Variants in RBFOX1 observed in about 807,000 individuals in gnomAD.
RBFOX1 encodes RNA binding fox-1 homolog 1.
A neutral mutation model predicts 57.7 loss-of-function variants in RBFOX1; 8 were observed. That is an observed-to-expected ratio of 0.14 (90% CI 0.08 to 0.25). RBFOX1 has a LOEUF of 0.25. RBFOX1 is among the 10% of genes least tolerant of loss of function. The pLI is 1.00. For missense variants in RBFOX1, 611 were observed against 548.5 expected (o/e 1.11, Z -1.14); for synonymous variants, 326 against 222.4 (o/e 1.47, Z -4.15).
chr16:6,000,698 T>C (rs1034315632), intron 4 of RBFOX1, among the ~76,000 whole-genome samples: 1 of 151,542 alleles, frequency 6.6e-6, no homozygotes, highest in African/African-American at 2.4e-5. Flanking sequence ...GATGGGTGGA[T>C]GAGTGGGTTG....
chr16:7,105,201 T>C (rs570353853), intron 4 of RBFOX1, among the ~76,000 whole-genome samples: 2 of 152,076 alleles, frequency 1.3e-5, no homozygotes, highest in Admixed American at 1.3e-4. Flanking sequence ...GGCTTGGCAG[T>C]AGTCTATGGA....
At chr16:5,767,345 A>C (rs1033063086) in intron 3 of RBFOX1, among the ~76,000 whole-genome samples, 8 of 152,342 alleles carry the variant, frequency 5.3e-5, no homozygotes, top group African/African-American at 1.7e-4. Flanking sequence ...TCAAGATGGG[A>C]TGCTGCCCAG....
At chr16:7,346,525 T>C (rs1372526711) in intron 4 of RBFOX1, among the ~76,000 whole-genome samples, 3 of 152,058 alleles carry the variant, frequency 2.0e-5, no homozygotes, top group African/African-American at 4.8e-5. Flanking sequence ...CAAGCACAGA[T>C]GTTACCAAGC....
intron 5 of RBFOX1, among the ~76,000 whole-genome samples, chr16:7,526,792 G>A (rs1165263254): frequency 3.9e-5 from 6 of 152,114 alleles, no homozygotes; most frequent in Non-Finnish European, 1.5e-5. Flanking sequence ...AAGTGTTATC[G>A]TCCCATGTTA....
At chr16:7,160,495 A>T (rs2078084551) in intron 4 of RBFOX1, among the ~76,000 whole-genome samples, 1 of 151,714 alleles carries the variant, frequency 6.6e-6, no homozygotes, top group South Asian at 2.1e-4. Flanking sequence ...CATTTTATAC[A>T]TATAGATAAA....
intron 4 of RBFOX1, among the ~76,000 whole-genome samples, chr16:7,443,509 C>G (rs1382691581): frequency 6.6e-6 from 1 of 151,754 alleles, no homozygotes; most frequent in Non-Finnish European, 1.5e-5. Flanking sequence ...ACCTTGAATC[C>G]TGCCAGATAT....
At chr16:7,135,022 A>G (rs2071534794) in intron 4 of RBFOX1, among the ~76,000 whole-genome samples, 1 of 152,030 alleles carries the variant, frequency 6.6e-6, no homozygotes, top group Admixed American at 6.6e-5. Flanking sequence ...CAATACAGAG[A>G]TATCATTCTG....
In RBFOX1 at chr16:7,653,933, C is replaced by T. The variant is rs997305923; in HGVS notation, c.876C>T (p.Ile292=). 1.3e-6 allele frequency: 2 copies of T among 1,545,928 alleles called. No homozygotes were observed. The highest frequency in any genetic ancestry group is 1.9e-5 in the Admixed American group (1 of 52,472). The change falls in exon 12 of 16, where the codon ATC becomes ATT. Residue 292 remains isoleucine, a synonymous_variant. Transcript: ENST00000550418. ...GGGCCGCGGCGCCCCCGCCCCCGAT[C>T]CCGGCCTACGGCGGGTAAGTGGGGC... ...TFRAAAPPPP[I]PAYGGVVYQD...
In RBFOX1 at chr16:6,869,735, T is replaced by C. The variant is rs79573618; in HGVS notation, c.-15-182322T>C. Among the ~76,000 whole-genome samples, 439 of 152,318 alleles carry C rather than the reference T, an allele frequency of 2.9e-3. 4 individuals are homozygous for C. The highest frequency in any genetic ancestry group is 0.01 in the African/African-American group (422 of 41,568). Reference sequence around the variant, plus strand: ...GCCATGTGACTCTAGAGAACCGTGTTGACTGATTGGAAATGGGTAAAATTC... The same window carrying C: ...GCCATGTGACTCTAGAGAACCGTGTCGACTGATTGGAAATGGGTAAAATTC... On this transcript the variant is annotated intron_variant, in intron 3 of 15. Transcript: ENST00000550418.
At chr16:7,075,042 C>T (rs1387195479) in intron 4 of RBFOX1, among the ~76,000 whole-genome samples, 1 of 152,056 alleles carries the variant, frequency 6.6e-6, no homozygotes, top group Non-Finnish European at 1.5e-5. Context: ...AGGAACTCCC[C>T]AAAGCGTAAA....
chr16:5,559,439 T>C lies in RBFOX1; in HGVS notation c.259-39463T>C, dbSNP rs79677693. Among the ~76,000 whole-genome samples the C allele has an allele frequency of 2.2e-4, 33 of 152,252 alleles. No individual in the cohort carries two copies. In the East Asian group the frequency reaches 6.4e-3, roughly 30 times the overall value. ...GCTAATACATGAGGAAATAGACTTA[T>C]TTACATACTGTCAAAACAAGCCGAA... is the stretch of plus-strand genomic sequence containing the variant. On this transcript the variant is annotated intron_variant, in intron 2 of 2. Transcript: ENST00000585867.
chr16:6,796,663 A>C (rs1320762825), intron 3 of RBFOX1, among the ~76,000 whole-genome samples: 1 of 152,142 alleles, frequency 6.6e-6, no homozygotes, highest in Non-Finnish European at 1.5e-5. Flanking sequence ...TGTAATTCTT[A>C]AATATGTACA....
chr16:5,353,568 G>A lies in RBFOX1; in HGVS notation c.219+113463G>A, dbSNP rs923147668. On this transcript the variant is annotated intron_variant, in intron 1 of 2. Coordinates refer to the RBFOX1 transcript ENST00000585867. ...CAGCCTAGTAGATTCTGGTGAGGTC[G>A]TTTTGGCAGGAGGACTACATAAGTC... Among the ~76,000 whole-genome samples, 3 of 152,034 alleles carry A rather than the reference G, an allele frequency of 2.0e-5. 1 individual carries two copies. Among genetic ancestry groups the A allele is most frequent in the South Asian group, 4.2e-4 (2 of 4,798 alleles).
At chr16:6,403,383 T>C (rs761602083) in intron 2 of RBFOX1, among the ~76,000 whole-genome samples, 12 of 152,090 alleles carry the variant, frequency 7.9e-5, no homozygotes, top group Non-Finnish European at 1.3e-4. Flanking sequence ...TTTTTTTAAA[T>C]AGAGGATTCT....
intron 4 of RBFOX1, among the ~76,000 whole-genome samples, chr16:7,299,220 C>T (rs1284829722): frequency 6.6e-6 from 1 of 152,102 alleles, no homozygotes; most frequent in Non-Finnish European, 1.5e-5. Context: ...TATTGATAGG[C>T]ATTTTATTCG....
At chr16:5,336,164 A>G (rs2064890753) in intron 1 of RBFOX1, among the ~76,000 whole-genome samples, 1 of 152,070 alleles carries the variant, frequency 6.6e-6, no homozygotes, top group Non-Finnish European at 1.5e-5. Context: ...AATGTTTCCA[A>G]CTTGGGAGCC....
intron 3 of RBFOX1, among the ~76,000 whole-genome samples, chr16:5,792,323 A>G (rs936185733): frequency 3.3e-5 from 5 of 152,162 alleles, no homozygotes; most frequent in African/African-American, 1.2e-4. Context: ...CATCACAGCT[A>G]CATATACAGT....
chr16:7,402,557 C>G (rs902942475), intron 4 of RBFOX1, among the ~76,000 whole-genome samples: 4 of 152,148 alleles, frequency 2.6e-5, no homozygotes, highest in Non-Finnish European at 5.9e-5. Context: ...AGTATGTGAA[C>G]TTTGGTAGTG....
intron 2 of RBFOX1, among the ~76,000 whole-genome samples, chr16:5,598,161 G>C (rs1340703225): frequency 6.6e-6 from 1 of 152,038 alleles, no homozygotes; most frequent in Non-Finnish European, 1.5e-5. Flanking sequence ...ATCCAGGTGT[G>C]GTGGCGGGTG....
Sources: allele counts gnomAD v4.1 joint callset (sites outside exome capture counted in the v4.1 genomes callset), GRCh38; gene constraint gnomAD v4.1.1; transcripts MANE v1.5; gene names NCBI Gene and HGNC (gene_info 2026-07-23, HGNC 2026-07-21).